The following EPC1 variants were observed in gnomAD, a reference collection of about 807,000 sequenced individuals.
EPC1 encodes enhancer of polycomb 1.
EPC1 carries 12 observed loss-of-function variants against 98.4 expected under a neutral mutation model. The observed-to-expected ratio is 0.12, with a 90% CI of 0.08 to 0.20. The LOEUF is 0.20. Ranked by LOEUF, EPC1 falls within the 10% of genes least tolerant of loss-of-function variation. The pLI is 1.00. For missense variants in EPC1, 729 were observed against 990.5 expected (o/e 0.74, Z 3.54); for synonymous variants, 357 against 363.9 (o/e 0.98, Z 0.21).
intron 1 of EPC1, among the ~76,000 whole-genome samples, chr10:32,335,999 C>T (rs1032940383): frequency 9.2e-5 from 14 of 152,022 alleles, no homozygotes; most frequent in African/African-American, 3.4e-4. Flanking sequence ...CATCAGCTCC[C>T]GGATGTCTTC....
intron 10 of EPC1, among the ~76,000 whole-genome samples, chr10:32,276,362 CTT>C (rs996036009): frequency 9.2e-5 from 14 of 151,884 alleles, no homozygotes; most frequent in African/African-American, 3.4e-4. Context: ...AATACAAAAA[CTT>C]AGCCAGGCGT....
chr10:32,271,994 A>T (rs976580872), intron 12 of EPC1, 32 bp downstream of exon 12: 1 of 1,601,692 alleles, frequency 6.2e-7, no homozygotes, highest in African/African-American at 1.3e-5. Context: ...TTATAAATAT[A>T]ACCCAAACAA....
chr10:32,346,043 T>TG (rs552692391), intron 1 of EPC1, among the ~76,000 whole-genome samples: 192 of 152,328 alleles, frequency 1.3e-3, no homozygotes, highest in African/African-American at 4.5e-3. Flanking sequence ...CAACTAGCTC[T>TG]GGAGAGGGAT....
chr10:32,294,439 G>A (rs971998971), intron 2 of EPC1, among the ~76,000 whole-genome samples: 11 of 152,230 alleles, frequency 7.2e-5, no homozygotes, highest in African/African-American at 1.4e-4. Flanking sequence ...AATTTTGTGC[G>A]TGAAGTTTTG....
chr10:32,353,284 A>G (rs965096293), intron 1 of EPC1, among the ~76,000 whole-genome samples: 2 of 152,160 alleles, frequency 1.3e-5, no homozygotes, highest in Admixed American at 6.5e-5. Flanking sequence ...ATGAAGGGCA[A>G]AGAGAGAGAG....
chr10:32,340,933 T>C (rs550217159), intron 1 of EPC1, among the ~76,000 whole-genome samples: 7 of 19,202 alleles, frequency 3.6e-4, no homozygotes, highest in Admixed American at 3.1e-3. Flanking sequence ...AAGTTATTGT[T>C]ATCAATGCAA....
In EPC1 at chr10:32,295,924, C is replaced by CTT. The variant is rs781302480; in HGVS notation, c.314-2189_314-2188dup. 3.7e-3 allele frequency among the ~76,000 whole-genome samples: 526 copies of CTT among 142,450 alleles called. 3 individuals carry two copies. Among genetic ancestry groups the CTT allele is most frequent in the African/African-American group, 0.013 (498 of 39,052 alleles). The allele number at this position is 142,450 out of a possible 152,430, so 93.5% of individuals were successfully genotyped here. A position where few individuals can be genotyped will look rare whatever the true frequency, so the allele number is the denominator to read the frequency against. On this transcript the variant is annotated intron_variant, in intron 2 of 13. Coordinates refer to ENST00000319778, the MANE Select transcript of EPC1 (RefSeq NM_001272004.3). The stretch of plus-strand genomic sequence containing the variant: ...ACCAACTAGCAATGTTCTCAATGTT[C>CTT]TTTTTTTTTTTTTTCCTGAGACAGA...
intron 2 of EPC1, among the ~76,000 whole-genome samples, chr10:32,296,815 G>A (rs1402887651): frequency 6.6e-6 from 1 of 151,962 alleles, no homozygotes; most frequent in Non-Finnish European, 1.5e-5. Context: ...GTTGAGGCAG[G>A]AGAATTGCTT....
At position 32,375,520 on chromosome 10, in the gene EPC1, TC is replaced by T. The variant is rs566717503; in HGVS notation, c.3+2970del. On this transcript the variant is annotated intron_variant, in intron 1 of 13. Transcript: ENST00000375110. The stretch of plus-strand genomic sequence containing the variant: ...TCAGTTTATTTGTTATTGATTGAGC[TC>T]CTTAATTTCAAGTTCATTTTTCTGA... Among the ~76,000 whole-genome samples the T allele has an allele frequency of 1.4e-3, 214 of 152,210 alleles. 1 individual carries two copies. Among genetic ancestry groups the T allele is most frequent in the African/African-American group, 4.8e-3 (201 of 41,570 alleles).
Position 32,271,649 on chromosome 10 carries a change from T to A in EPC1, c.2274A>T (p.Leu758Phe). ...PINARHIPRT[L>F]SAVPSSALKL... ...TTAAGGCAGATGATGGAACAGCACT[T>A]AAAGTCCTAGGTATATGTCGTGCAT... Residue 758 changes from leucine to phenylalanine, a missense_variant, in exon 13 of 14, where the codon TTA becomes TTT. By Grantham distance (22) the Leu-to-Phe change is conservative (BLOSUM62 0). Transcript: ENST00000319778. 1 of 1,614,180 alleles carries A rather than the reference T, an allele frequency of 6.2e-7. No homozygotes were observed. The highest frequency in any genetic ancestry group is 8.5e-7 in the Non-Finnish European group (1 of 1,180,024).
chr10:32,298,870 T>C (rs1835326015), intron 2 of EPC1, among the ~76,000 whole-genome samples: 1 of 152,096 alleles, frequency 6.6e-6, no homozygotes, highest in African/African-American at 2.4e-5. Context: ...GAGAAAATAA[T>C]CTTTCAGAAT....
chr10:32,336,943 C>G (rs963961130), intron 1 of EPC1, among the ~76,000 whole-genome samples: 3 of 152,120 alleles, frequency 2.0e-5, no homozygotes, highest in Admixed American at 1.3e-4. Flanking sequence ...ACATTTTAAT[C>G]TAATTTGATT....
intron 4 of EPC1, 42 bp downstream of exon 4, chr10:32,292,943 ATTT>A: frequency 8.0e-7 from 1 of 1,254,052 alleles, no homozygotes; most frequent in African/African-American, 1.5e-5. Flanking sequence ...ACTATAAATA[ATTT>A]TTATTATATA....
intron 1 of EPC1, among the ~76,000 whole-genome samples, chr10:32,341,307 G>A (rs1033069728): frequency 7.3e-6 from 1 of 137,580 alleles, no homozygotes; most frequent in African/African-American, 2.6e-5. Context: ...TTTAAAACAT[G>A]GACACATGTC....
At chr10:32,284,494 C>T in intron 10 of EPC1, 1 of 450,146 alleles carries the variant, frequency 2.2e-6, no homozygotes, top group Non-Finnish European at 3.9e-6. Flanking sequence ...TCTTTGTATG[C>T]AGGTATGTTT....
chr10:32,284,672 A>G (rs763777846), intron 10 of EPC1, 26 bp downstream of exon 10: 3 of 1,551,106 alleles, frequency 1.9e-6, no homozygotes, highest in African/African-American at 2.7e-5. Context: ...TTCTATAGAA[A>G]CGTACATCAT....
intron 1 of EPC1, among the ~76,000 whole-genome samples, chr10:32,312,967 AATG>A (rs1462155873): frequency 6.6e-6 from 1 of 152,204 alleles, no homozygotes. Flanking sequence ...TGTAAATTAC[AATG>A]ATATTCCAAG....
At chr10:32,320,106 G>A (rs1836805892) in intron 1 of EPC1, among the ~76,000 whole-genome samples, 1 of 152,060 alleles carries the variant, frequency 6.6e-6, no homozygotes, top group Non-Finnish European at 1.5e-5. Context: ...AACACGTCTG[G>A]GTAAAGGGTA....
At chr10:32,367,117 T>C (rs1384039567) in intron 1 of EPC1, among the ~76,000 whole-genome samples, 2 of 152,196 alleles carry the variant, frequency 1.3e-5, no homozygotes, top group Non-Finnish European at 2.9e-5. Flanking sequence ...TGCCTCAGCC[T>C]CCTGAATAGC....
Sources: gnomAD v4.1 joint callset for allele counts (sites outside exome capture counted in the v4.1 genomes callset) on GRCh38, gnomAD v4.1.1 for gene constraint, MANE v1.5 for transcripts, NCBI Gene and HGNC (gene_info 2026-07-23, HGNC 2026-07-21) for gene names.